The following TLR10 variants were observed in gnomAD, a reference collection of about 807,000 sequenced individuals.
The protein encoded by TLR10 is toll-like receptor 10.
For synonymous variants in TLR10, 288 were observed against 338.8 expected (o/e 0.85, Z 1.65); for missense variants, 929 against 932.9 (o/e 1.00, Z 0.05).
intron 1 of TLR10, among the ~76,000 whole-genome samples, chr4:38,781,137 C>T (rs1441801854): frequency 6.6e-6 from 1 of 152,150 alleles, no homozygotes; most frequent in Non-Finnish European, 1.5e-5. Flanking sequence ...AAGGTCCTAT[C>T]TCTCAGGCAA....
At chr4:38,782,742 A>G (rs746177989) in intron 1 of TLR10, among the ~76,000 whole-genome samples, 179 bp downstream of exon 1, 33 of 152,222 alleles carry the variant, frequency 2.2e-4, no homozygotes, top group Non-Finnish European at 3.8e-4. Context: ...AATTCCTCAG[A>G]TCAATAGCCC....
chr4:38,774,333 G>A lies in TLR10; in HGVS notation c.1258C>T (p.Pro420Ser). The A allele has an allele frequency of 6.2e-7, 1 of 1,611,418 alleles. No individual in the cohort carries two copies. Among genetic ancestry groups the A allele is most frequent in the Non-Finnish European group, 8.5e-7 (1 of 1,179,048 alleles). The part of the protein sequence containing the change: ...QHKNDENCSW[P>S]ETVVNMNLSY... ...AGATTCATATTGACCACAGTTTCTG[G>A]CCATGAGCAATTTTCATCATTTTTA... The change falls in exon 4 of 4, where the codon CCA becomes TCA. Residue 420 changes from proline to serine, a missense_variant. Pro to Ser is a moderately conservative substitution (Grantham distance 74, BLOSUM62 -1). Coordinates refer to ENST00000308973, the MANE Select transcript of TLR10 (RefSeq NM_030956.4).
intron 3 of TLR10, 50 bp from the exon 4 acceptor site, chr4:38,775,702 G>A (rs1235283977): frequency 2.6e-6 from 3 of 1,145,808 alleles, no homozygotes; most frequent in African/African-American, 3.2e-5. Context: ...GTTAAATCCT[G>A]TAGGATTTTT....
chr4:38,779,005 C>T (rs1245271575), intron 1 of TLR10: 4 of 149,898 alleles, frequency 2.7e-5, no homozygotes, highest in Admixed American at 6.7e-5. Flanking sequence ...TCTCTAGAAC[C>T]TTCCCAAGTC....
chr4:38,780,025 A>G (rs979421355), intron 1 of TLR10, among the ~76,000 whole-genome samples: 1 of 152,236 alleles, frequency 6.6e-6, no homozygotes, highest in Non-Finnish European at 1.5e-5. Context: ...AACGTGATGC[A>G]TAATATGCTC....
At chr4:38,777,372 T>G (rs1725121251) in intron 1 of TLR10, among the ~76,000 whole-genome samples, 1 of 151,720 alleles carries the variant, frequency 6.6e-6, no homozygotes, top group Admixed American at 6.6e-5. Flanking sequence ...TGGAGTGGAG[T>G]TAGGGGACGG....
rs10005916 is a variant in TLR10, at chr4:38,781,314, G to C, written c.-569+1607C>G. Among the ~76,000 whole-genome samples, 1,446 of 151,712 alleles carry C rather than the reference G, an allele frequency of 9.5e-3. 13 individuals carry two copies. The highest frequency in any genetic ancestry group is 0.033 in the African/African-American group (1,380 of 41,380). On this transcript the variant is annotated intron_variant, in intron 1 of 3. Transcript: ENST00000308973. ...AGCCACTGTGCTTGGCCTCATTAAA[G>C]CAATTTTAAAAGTAGGACATACACT...
chr4:38,773,119 G>A lies in TLR10; in HGVS notation c.*36C>T. ...TTGTATCAATGTACATCCCAACAGTGTATGTGGTCCCCAACTTCCCAAGGA... is the reference window on the plus strand; with the variant it reads ...TTGTATCAATGTACATCCCAACAGTATATGTGGTCCCCAACTTCCCAAGGA... On this transcript the variant is annotated 3_prime_UTR_variant, in exon 4 of 4. Transcript: ENST00000308973. 1 of 1,497,570 alleles carries A rather than the reference G, an allele frequency of 6.7e-7. No homozygotes were observed. Among genetic ancestry groups the A allele is most frequent in the Admixed American group, 2.4e-5 (1 of 41,048 alleles). 92.8% of individuals were successfully genotyped at this position (1,497,570 alleles called of 1,614,324 possible).
At position 38,775,392 on chromosome 4, in the gene TLR10, C is replaced by T; in HGVS notation, c.199G>A (p.Asp67Asn). ...CTCAGTTTGGAGACAGAATGAAAAT[C>T]TGAACTCTGGAGTTGAAAAAGGAGG... ...YNLLFQLQSS[D>N]FHSVSKLRVL... Residue 67 changes from aspartate (D) to asparagine (N), a missense_variant, in exon 4 of 4, where the codon GAT (aspartate) becomes AAT (asparagine). Physicochemically the swap from Asp to Asn is conservative, Grantham distance 23 (BLOSUM62 1). Coordinates refer to ENST00000308973, the MANE Select transcript of TLR10 (RefSeq NM_030956.4). 6.2e-7 allele frequency: 1 copy of T among 1,614,104 alleles called. No homozygotes were observed. Among genetic ancestry groups the T allele is most frequent in the Non-Finnish European group, 8.5e-7 (1 of 1,180,014 alleles).
At chr4:38,781,863 T>C (rs1306087352) in intron 1 of TLR10, among the ~76,000 whole-genome samples, 2 of 152,238 alleles carry the variant, frequency 1.3e-5, no homozygotes, top group South Asian at 2.1e-4. Flanking sequence ...GCTAAGTGTT[T>C]TATGTCCATT....
chr4:38,779,191 T>C (rs1725246944), intron 1 of TLR10: 2 of 152,244 alleles, frequency 1.3e-5, no homozygotes, highest in Admixed American at 1.3e-4. Context: ...CCTTACAATG[T>C]AAACTTGGAG....
Position 38,773,885 on chromosome 4 carries a change from A to G in TLR10, c.1706T>C (p.Leu569Pro). ...LRGTRLKDVHLHELSCNTALL... is the reference protein window; with the variant it reads ...LRGTRLKDVHPHELSCNTALL... ...AGCTGTGTTGCAAGATAATTCGTGG[A>G]GATGAACGTCTTTTAACCTAGTTCC... Residue 569 changes from leucine to proline, a missense_variant, in exon 4 of 4, where the codon CTC (leucine) becomes CCC (proline). Transcript: ENST00000308973. 1 of 1,593,414 alleles carries G rather than the reference A, an allele frequency of 6.3e-7. No individual in the cohort carries two copies. The highest frequency in any genetic ancestry group is 1.1e-5 in the South Asian group (1 of 86,962).
In TLR10 at chr4:38,782,931, G is replaced by C. The variant is rs1725496404; in HGVS notation, c.-579C>G. 1 of 152,148 alleles carries C rather than the reference G, an allele frequency of 6.6e-6. No homozygotes were observed. Among genetic ancestry groups the C allele is most frequent in the African/African-American group, 2.4e-5 (1 of 41,408 alleles). 9.4% of individuals were successfully genotyped at this position (152,148 alleles called of 1,614,324 possible). A position where few individuals can be genotyped will look rare whatever the true frequency, so the allele number is the denominator to read the frequency against. ...AGCTAAGGTTCTTACCCCACGGCTT[G>C]CACTCTCTCAGCAGAGCTGCAGGTG... is the stretch of plus-strand genomic sequence containing the variant. On this transcript the variant is annotated 5_prime_UTR_variant, in exon 1 of 4. Transcript: ENST00000308973.
Position 38,773,278 on chromosome 4 carries a change from A to C in TLR10, c.2313T>G (p.Leu771=). 1 of 1,612,548 alleles carries C rather than the reference A, an allele frequency of 6.2e-7. No individual in the cohort carries two copies. The highest frequency in any genetic ancestry group is 8.5e-7 in the Non-Finnish European group (1 of 1,179,574). The change falls in exon 4 of 4, where the codon CTT becomes CTG. Residue 771 remains leucine, a synonymous_variant. Transcript: ENST00000308973. ...ATACATTAACATTAATAGCAGCTCG[A>C]AGGTTTGCCCAGAAAAGCCCACATT... ...RRKCGLFWAN[L]RAAINVNVLA... is the part of the protein sequence containing the mutation.
At chr4:38,778,909 C>G (rs1363267587) in intron 1 of TLR10, 4 of 152,222 alleles carry the variant, frequency 2.6e-5, no homozygotes, top group African/African-American at 9.6e-5. Context: ...GGAATGCACA[C>G]AAACATGGCA....
Position 38,776,110 on chromosome 4 carries a change from C to G in TLR10, c.-252G>C, listed in dbSNP as rs1229423152. 1 of 152,658 alleles carries G rather than the reference C, an allele frequency of 6.6e-6. No homozygotes were observed. Among genetic ancestry groups the G allele is most frequent in the Non-Finnish European group, 1.5e-5 (1 of 68,340 alleles). The allele number at this position is 152,658 out of a possible 1,614,324, so 9.5% of individuals were successfully genotyped here. On this transcript the variant is annotated splice_region_variant and 5_prime_UTR_variant, in exon 2 of 4. Transcript: ENST00000308973. ...CCAATATCTGACTTTCAACACTTAC[C>G]TTACAGATGGAAGTTTCAAAACAGG...
rs528566048 is a variant in TLR10 at position 38,772,796 on chromosome 4, T to A, written c.*359A>T. ...CACCATCACGCCCAGCTAATTTTTGTATTTTTAGTAGAGACAGGGTTTCAC... is the reference window on the plus strand; with the variant it reads ...CACCATCACGCCCAGCTAATTTTTGAATTTTTAGTAGAGACAGGGTTTCAC... On this transcript the variant is annotated 3_prime_UTR_variant, in exon 4 of 4. Transcript: ENST00000308973. 1 of 154,218 alleles carries A rather than the reference T, an allele frequency of 6.5e-6. No individual in the cohort carries two copies. The highest frequency in any genetic ancestry group is 1.9e-4 in the East Asian group (1 of 5,228). The allele number at this position is 154,218 out of a possible 1,614,324, so 9.6% of individuals were successfully genotyped here. A position where few individuals can be genotyped will look rare whatever the true frequency, so the allele number is the denominator to read the frequency against.
At chr4:38,776,918 G>A (rs999437107) in intron 1 of TLR10, among the ~76,000 whole-genome samples, 1 of 152,164 alleles carries the variant, frequency 6.6e-6, no homozygotes, top group Non-Finnish European at 1.5e-5. Context: ...GTCTTATGTG[G>A]CAGCAGGCAA....
Position 38,773,868 on chromosome 4 carries a change from T to C in TLR10, c.1723A>G (p.Asn575Asp). 6.3e-7 allele frequency: 1 copy of C among 1,593,066 alleles called. No homozygotes were observed. Among genetic ancestry groups the C allele is most frequent in the Non-Finnish European group, 8.5e-7 (1 of 1,170,420 alleles). The change falls in exon 4 of 4, where the codon AAC (asparagine) becomes GAC (aspartate). Residue 575 changes from asparagine to aspartate, a missense_variant. By Grantham distance (23) the Asn-to-Asp change is conservative. Transcript: ENST00000308973. ...ATGGTGACAATCAACAGAGCTGTGT[T>C]GCAAGATAATTCGTGGAGATGAACG... The part of the protein sequence containing the change: ...KDVHLHELSC[N>D]TALLIVTIVV...
Sources: allele counts gnomAD v4.1 joint callset (sites outside exome capture counted in the v4.1 genomes callset), GRCh38; gene constraint gnomAD v4.1.1; transcripts MANE v1.5; gene names NCBI Gene and HGNC (gene_info 2026-07-23, HGNC 2026-07-21).